Variants in GPM6A observed in about 807,000 individuals in gnomAD.
GPM6A encodes the protein glycoprotein M6A.
A neutral mutation model predicts 32.1 loss-of-function variants in GPM6A; 7 were observed. The observed-to-expected ratio is 0.22, with a 90% CI of 0.12 to 0.41. The LOEUF (loss-of-function observed/expected upper bound fraction) is 0.41. Ranked by LOEUF, GPM6A falls within the 10% of genes least tolerant of loss-of-function variation. GPM6A has a pLI of 1.00. For missense variants in GPM6A, 235 were observed against 347.2 expected (o/e 0.68, Z 2.57); for synonymous variants, 130 against 123.4 (o/e 1.05, Z -0.35).
intron 2 of GPM6A, among the ~76,000 whole-genome samples, chr4:175,699,221 A>C (rs868743874): frequency 3.3e-5 from 5 of 152,186 alleles, no homozygotes; most frequent in African/African-American, 1.2e-4. Flanking sequence ...TCATTTTCTT[A>C]AGACTCTCTA....
chr4:175,635,994 A>G lies in GPM6A; in HGVS notation c.685-937T>C, dbSNP rs189054687. Among the ~76,000 whole-genome samples, 173 of 152,100 alleles carry G rather than the reference A, an allele frequency of 1.1e-3. 1 individual carries two copies. Among genetic ancestry groups the G allele is most frequent in the African/African-American group, 4.0e-3 (168 of 41,498 alleles). On this transcript the variant is annotated intron_variant, in intron 6 of 6. Coordinates refer to ENST00000393658, the MANE Select transcript of GPM6A (RefSeq NM_201591.3). Reference sequence around the variant, plus strand: ...GCGGGCTGGTTCTAGAAAAGTACAGATGGATATAAAGAATGCAATGTCAAT... The same window carrying G: ...GCGGGCTGGTTCTAGAAAAGTACAGGTGGATATAAAGAATGCAATGTCAAT...
upstream of GPM6A, chr4:175,812,312 T>TTG: frequency 1.7e-6 from 2 of 1,158,130 alleles, no homozygotes; most frequent in South Asian, 2.0e-5. Context: ...TTTTTTTTTT[T>TTG]TTTTTTTTTT....
intron 1 of GPM6A, among the ~76,000 whole-genome samples, chr4:175,790,843 A>G (rs1485319448): frequency 6.6e-6 from 1 of 152,178 alleles, no homozygotes; most frequent in Non-Finnish European, 1.5e-5. Flanking sequence ...TTAGGGAGGA[A>G]AAAAAGAGAG....
At chr4:175,848,401 C>G (rs979457532) in intron 1 of GPM6A, among the ~76,000 whole-genome samples, 1 of 152,092 alleles carries the variant, frequency 6.6e-6, no homozygotes, top group African/African-American at 2.4e-5. Context: ...ATGGGAGGCC[C>G]TAGAGTTTCC....
chr4:175,895,158 G>A (rs1391584701), intron 1 of GPM6A, among the ~76,000 whole-genome samples: 1 of 152,110 alleles, frequency 6.6e-6, no homozygotes, highest in East Asian at 1.9e-4. Context: ...AAATCATCTT[G>A]TGATTCAGTA....
At chr4:175,741,560 T>C (rs1297158501) in intron 1 of GPM6A, among the ~76,000 whole-genome samples, 1 of 152,130 alleles carries the variant, frequency 6.6e-6, no homozygotes, top group Non-Finnish European at 1.5e-5. Flanking sequence ...TCTTCTGGAA[T>C]ATCAAAACAT....
intron 1 of GPM6A, among the ~76,000 whole-genome samples, chr4:175,807,994 G>C (rs7665072): frequency 0.48 from 73,245 of 152,030 alleles, 18,040 homozygotes; most frequent in Non-Finnish European, 0.53. Flanking sequence ...AGTTCATTTA[G>C]GTAAAGTCCT....
chr4:175,647,865 G>A (rs1741553599), intron 4 of GPM6A, among the ~76,000 whole-genome samples: 1 of 152,008 alleles, frequency 6.6e-6, no homozygotes, highest in South Asian at 2.1e-4. Flanking sequence ...ATAATCTGGA[G>A]GGCAAATAAA....
In GPM6A at chr4:175,977,926, G is replaced by A. The variant is rs138243223; in HGVS notation, c.-23+24383C>T. Among the ~76,000 whole-genome samples the A allele has an allele frequency of 9.9e-5, 15 of 152,244 alleles. No homozygotes were observed. In the East Asian group the frequency reaches 1.2e-3, roughly 12 times the overall value. On this transcript the variant is annotated intron_variant, in intron 1 of 7. Coordinates refer to the GPM6A transcript ENST00000280187. ...TGCTCAGTAGTCTCCCTTCGCATGC[G>A]CACCACTTAACCCTCCAAATACTAT...
chr4:175,856,259 C>T (rs958398269), intron 1 of GPM6A, among the ~76,000 whole-genome samples: 4 of 152,078 alleles, frequency 2.6e-5, no homozygotes, highest in South Asian at 2.1e-4. Context: ...ACAAATATAC[C>T]GTACTGAGAT....
intron 3 of GPM6A, among the ~76,000 whole-genome samples, chr4:175,670,370 G>T (rs1238242731): frequency 6.6e-6 from 1 of 151,972 alleles, no homozygotes; most frequent in Non-Finnish European, 1.5e-5. Flanking sequence ...TGGGGATGGG[G>T]GCAAAAAATA....
intron 1 of GPM6A, among the ~76,000 whole-genome samples, chr4:175,879,483 A>G (rs1397946767): frequency 6.6e-6 from 1 of 152,192 alleles, no homozygotes; most frequent in Non-Finnish European, 1.5e-5. Context: ...ACAGGGCGGC[A>G]GGAGAGAGAA....
At chr4:175,712,707 C>A (rs1281719533) in intron 1 of GPM6A, among the ~76,000 whole-genome samples, 1 of 152,070 alleles carries the variant, frequency 6.6e-6, no homozygotes, top group African/African-American at 2.4e-5. Context: ...ATGCTCACTC[C>A]TTTTTTCTAT....
chr4:175,999,894 G>C (rs905009977), intron 1 of GPM6A, among the ~76,000 whole-genome samples: 1 of 152,174 alleles, frequency 6.6e-6, no homozygotes, highest in African/African-American at 2.4e-5. Context: ...AAGAGGTTCT[G>C]AGTAGTGAAG....
At chr4:175,973,752 A>T (rs1207815921) in intron 1 of GPM6A, among the ~76,000 whole-genome samples, 1 of 152,244 alleles carries the variant, frequency 6.6e-6, no homozygotes, top group Non-Finnish European at 1.5e-5. Flanking sequence ...AAGATAAAAT[A>T]GCAAATGTTT....
chr4:175,789,584 A>G (rs1733930526), intron 1 of GPM6A, among the ~76,000 whole-genome samples: 1 of 152,182 alleles, frequency 6.6e-6, no homozygotes, highest in South Asian at 2.1e-4. Context: ...ATGAATAACA[A>G]AAAAAACATG....
At chr4:176,002,000 AC>A (rs1741497794) in intron 1 of GPM6A, among the ~76,000 whole-genome samples, 2 of 151,868 alleles carry the variant, frequency 1.3e-5, no homozygotes, top group Non-Finnish European at 2.9e-5. Context: ...GGTAGACCGG[AC>A]CCCCAGGCTT....
intron 1 of GPM6A, among the ~76,000 whole-genome samples, chr4:175,846,249 T>C (rs1474144295): frequency 6.6e-6 from 1 of 152,174 alleles, no homozygotes; most frequent in Non-Finnish European, 1.5e-5. Flanking sequence ...GCTTTACACC[T>C]TCTATTCTAT....
intron 1 of GPM6A, among the ~76,000 whole-genome samples, chr4:175,737,065 A>G (rs1009402096): frequency 6.6e-6 from 1 of 152,208 alleles, no homozygotes; most frequent in Admixed American, 6.6e-5. Flanking sequence ...CTGACTTTTA[A>G]AGAACTCTAG....
Sources: gnomAD v4.1 joint callset for allele counts (sites outside exome capture counted in the v4.1 genomes callset) on GRCh38, gnomAD v4.1.1 for gene constraint, MANE v1.5 for transcripts, NCBI Gene and HGNC (gene_info 2026-07-23, HGNC 2026-07-21) for gene names.